CDADC1: variants seen among roughly 807,000 people sequenced by gnomAD.
CDADC1 encodes cytidine and dCMP deaminase domain containing 1.
A neutral mutation model predicts 54.9 loss-of-function variants in CDADC1; 39 were observed. The observed-to-expected ratio is 0.71, with a 90% CI of 0.55 to 0.93. The LOEUF (loss-of-function observed/expected upper bound fraction) is 0.93, where lower values mean the gene tolerates loss of function less well. Ranked by LOEUF, CDADC1 falls within the 40% of genes least tolerant of loss-of-function variation. The pLI, the probability that CDADC1 is intolerant of heterozygous loss-of-function variation, is 0.00. For missense variants in CDADC1, 518 were observed against 618.8 expected (o/e 0.84, Z 1.73); for synonymous variants, 186 against 204.0 (o/e 0.91, Z 0.75).
chr13:49,264,010 T>A (rs113029925), intron 4 of CDADC1, among the ~76,000 whole-genome samples: 2 of 152,318 alleles, frequency 1.3e-5, no homozygotes, highest in Non-Finnish European at 2.9e-5. Context: ...TGTTTTCTTA[T>A]AAGGTCAACC....
At chr13:49,249,123 G>A (rs1488643072) in intron 2 of CDADC1, among the ~76,000 whole-genome samples, 158 bp downstream of exon 2, 1 of 152,148 alleles carries the variant, frequency 6.6e-6, no homozygotes, top group Non-Finnish European at 1.5e-5. Context: ...ATTCCCAGCC[G>A]TAATAAGTCA....
At chr13:49,281,669 A>G (rs1192175781) in intron 8 of CDADC1, among the ~76,000 whole-genome samples, 1 of 152,178 alleles carries the variant, frequency 6.6e-6, no homozygotes, top group Non-Finnish European at 1.5e-5. Flanking sequence ...GGTTGCTGCC[A>G]AAGGTTTGGG....
At chr13:49,278,564 G>A (rs1461890350) in intron 7 of CDADC1, 45 bp downstream of exon 7, 1 of 1,285,622 alleles carries the variant, frequency 7.8e-7, no homozygotes, top group South Asian at 1.7e-5. Context: ...ATGTAGCAAG[G>A]GTTGGTTGAA....
intron 3 of CDADC1, 98 bp downstream of exon 3, chr13:49,256,011 G>T: frequency 6.8e-7 from 1 of 1,466,334 alleles, no homozygotes; most frequent in East Asian, 2.5e-5. Context: ...ACTATCAAGG[G>T]AGTTTTTAAA....
At chr13:49,281,015 G>A (rs1953314972) in intron 8 of CDADC1, among the ~76,000 whole-genome samples, 1 of 151,706 alleles carries the variant, frequency 6.6e-6, no homozygotes, top group Non-Finnish European at 1.5e-5. Context: ...TGTATTTTTA[G>A]TAGAGACGGG....
chr13:49,290,159 G>A lies in CDADC1; in HGVS notation c.1472-1525G>A, dbSNP rs1953657289. 4.6e-5 allele frequency among the ~76,000 whole-genome samples: 7 copies of A among 151,934 alleles called. No homozygotes were observed. In the South Asian group the frequency reaches 1.2e-3, roughly 27 times the overall value. ...AAACACAAAAATCAAGATAGGAGTT[G>A]CCTCTGAGTGGGGTGAAAGGGGATG... is the stretch of plus-strand genomic sequence containing the variant. On this transcript the variant is annotated intron_variant, in intron 9 of 9. Transcript: ENST00000251108.
intron 4 of CDADC1, chr13:49,265,989 A>G: frequency 7.7e-7 from 1 of 1,293,216 alleles, no homozygotes; most frequent in South Asian, 1.2e-5. Context: ...ACCGGAGGAA[A>G]CACTCTGATA....
At chr13:49,262,037 T>G (rs1039395170) in intron 4 of CDADC1, among the ~76,000 whole-genome samples, 12 of 152,196 alleles carry the variant, frequency 7.9e-5, no homozygotes, top group Non-Finnish European at 4.4e-5. Flanking sequence ...TTACTTTAGT[T>G]AGAATTGCTA....
At chr13:49,261,286 G>A (rs1286327483) in intron 4 of CDADC1, among the ~76,000 whole-genome samples, 2 of 152,214 alleles carry the variant, frequency 1.3e-5, no homozygotes, top group Admixed American at 6.5e-5. Flanking sequence ...CTCTCGGCCT[G>A]CAACAAGTAT....
chr13:49,284,234 C>G lies in CDADC1; in HGVS notation c.1411-1988C>G, dbSNP rs376805438. On this transcript the variant is annotated intron_variant, in intron 8 of 9. Coordinates refer to ENST00000251108, the MANE Select transcript of CDADC1 (RefSeq NM_030911.4). ...GATTTTTCTCTATTAGGTTATATTACTTATTTTTATTATGAAAGTAGTATA... is the reference window on the plus strand; with the variant it reads ...GATTTTTCTCTATTAGGTTATATTAGTTATTTTTATTATGAAAGTAGTATA... Among the ~76,000 whole-genome samples the G allele has an allele frequency of 1.1e-4, 16 of 152,192 alleles. No homozygotes were observed. The East Asian group carries it at 1.5e-3, about 15-fold the overall frequency.
intron 2 of CDADC1, among the ~76,000 whole-genome samples, chr13:49,251,395 A>G (rs1482434143): frequency 1.3e-5 from 2 of 151,510 alleles, no homozygotes; most frequent in African/African-American, 4.9e-5. Flanking sequence ...CGACAGAAAA[A>G]AAAAGAAAAA....
At chr13:49,280,423 T>C in intron 7 of CDADC1, 86 bp from the exon 8 acceptor site, 1 of 570,644 alleles carries the variant, frequency 1.8e-6, no homozygotes, top group Non-Finnish European at 2.8e-6. Flanking sequence ...TTAAAACAGC[T>C]CAATTTTAGT....
chr13:49,285,626 C>A (rs1191032347), intron 8 of CDADC1, among the ~76,000 whole-genome samples: 1 of 152,046 alleles, frequency 6.6e-6, no homozygotes, highest in East Asian at 1.9e-4. Flanking sequence ...TAGGGTGTAA[C>A]CTGAGACAAG....
chr13:49,287,455 CA>C (rs1953550431), intron 9 of CDADC1, among the ~76,000 whole-genome samples: 1 of 150,888 alleles, frequency 6.6e-6, no homozygotes, highest in East Asian at 1.9e-4. Flanking sequence ...AATTTATTAG[CA>C]AAAAAGGCTG....
intron 4 of CDADC1, among the ~76,000 whole-genome samples, chr13:49,263,400 G>A (rs1952733379): frequency 6.6e-6 from 1 of 152,070 alleles, no homozygotes; most frequent in African/African-American, 2.4e-5. Flanking sequence ...GTAAATCATT[G>A]TTTTCCGGAT....
At chr13:49,275,050 G>C (rs1953066803) in intron 6 of CDADC1, among the ~76,000 whole-genome samples, 1 of 151,426 alleles carries the variant, frequency 6.6e-6, no homozygotes, top group Admixed American at 6.6e-5. Flanking sequence ...AAGTCAATAG[G>C]ACCAGGAGGA....
intron 6 of CDADC1, among the ~76,000 whole-genome samples, chr13:49,274,789 ACT>A (rs1025996606): frequency 2.6e-5 from 4 of 152,072 alleles, no homozygotes; most frequent in East Asian, 1.9e-4. Context: ...TTTGTTAAAC[ACT>A]CTCTACAGGT....
chr13:49,274,851 G>T (rs1050201545), intron 6 of CDADC1, among the ~76,000 whole-genome samples: 3 of 152,090 alleles, frequency 2.0e-5, no homozygotes, highest in Non-Finnish European at 2.9e-5. Flanking sequence ...ACATTTTATG[G>T]CCTCATAGTT....
intron 8 of CDADC1, among the ~76,000 whole-genome samples, chr13:49,281,235 T>C (rs1255398007): frequency 6.6e-6 from 1 of 152,208 alleles, no homozygotes; most frequent in Non-Finnish European, 1.5e-5. Context: ...TGAATTTACA[T>C]CTCTGTAGAG....
Sources: allele counts gnomAD v4.1 joint callset (sites outside exome capture counted in the v4.1 genomes callset), GRCh38; gene constraint gnomAD v4.1.1; transcripts MANE v1.5; gene names NCBI Gene and HGNC (gene_info 2026-07-23, HGNC 2026-07-21).